The following CRP variants were observed in gnomAD, a reference collection of about 807,000 sequenced individuals.
CRP encodes the protein C-reactive protein, pentraxin-related.
CRP carries 6 observed loss-of-function variants against 3.0 expected under a neutral mutation model. That is an observed-to-expected ratio of 2.02 (90% CI 1.11 to 3.99). The LOEUF (loss-of-function observed/expected upper bound fraction) is 3.99. Ranked by LOEUF, CRP falls within the 30% of genes most tolerant of loss-of-function variation. The pLI, the probability that CRP is intolerant of heterozygous loss-of-function variation, is 0.00. For missense variants in CRP, 297 were observed against 271.0 expected, an observed-to-expected ratio of 1.10 and a Z score of -0.67; for synonymous variants, 130 against 111.0, an observed-to-expected ratio of 1.17 and a Z score of -1.08.
rs540472216 is a variant in CRP, at chr1:159,714,433, C to T, written c.53G>A (p.Gly18Asp). The T allele has an allele frequency of 3.0e-5, 49 of 1,613,356 alleles. 1 individual carries two copies. In the South Asian group the frequency reaches 5.4e-4, roughly 18 times the overall value. Residue 18 changes from glycine to aspartate, a missense_variant, in exon 1 of 2, where the codon GGC becomes GAC. Transcript: ENST00000255030. The stretch of plus-strand genomic sequence containing the variant: ...CCTGGGGTGGCCCTTACCTGTCTGG[C>T]CAAAAGCATGAGAGAGGCTGGTCAA... ...LVLTSLSHAF[G>D]QTDMSRKAFV...
In CRP at chr1:159,713,869, G is replaced by C; in HGVS notation, c.331C>G (p.Pro111Ala). The C allele has an allele frequency of 1.2e-6, 2 of 1,614,092 alleles. No homozygotes were observed. The highest frequency in any genetic ancestry group is 1.7e-6 in the Non-Finnish European group (2 of 1,180,024). Residue 111 changes from proline (P) to alanine (A), a missense_variant, in exon 2 of 2, where the codon CCA (proline) becomes GCA (alanine). Pro to Ala is a conservative substitution (Grantham distance 27). Coordinates refer to ENST00000255030, the MANE Select transcript of CRP (RefSeq NM_000567.3). ...TCCCAGCTTGTACAAATGTGTACTG[G>C]AGCTACTGTGACTTCAGGAACCTCG... The part of the protein sequence containing the change: ...LFEVPEVTVA[P>A]VHICTSWESA...
At chr1:159,714,181 T>C in intron 1 of CRP, 43 bp from the exon 2 acceptor site, 4 of 1,580,766 alleles carry the variant, frequency 2.5e-6, no homozygotes, top group South Asian at 1.2e-5. Context: ...GTTTCTCAGA[T>C]CACACAGATC....
rs780019486 is a variant in CRP at position 159,713,551 on chromosome 1, A to T, written c.649T>A (p.Phe217Ile). Residue 217 changes from phenylalanine to isoleucine, a missense_variant, in exon 2 of 2, where the codon TTC (phenylalanine) becomes ATC (isoleucine). By Grantham distance (21) the Phe-to-Ile change is conservative. Transcript: ENST00000255030. The stretch of plus-strand genomic sequence containing the variant: ...CAGGGCCACAGCTGGGGTTTGGTGA[A>T]CACTTCGCCTTGCACTTCATACTTC... ...ALKYEVQGEVFTKPQLWP is the reference protein window; with the variant it reads ...ALKYEVQGEVITKPQLWP 4 of 1,612,852 alleles carry T rather than the reference A, an allele frequency of 2.5e-6. No individual in the cohort carries two copies. In the South Asian group the frequency reaches 4.4e-5, roughly 18 times the overall value.
intron 1 of CRP, 94 bp downstream of exon 1, chr1:159,714,331 C>CTTTT: frequency 2.1e-6 from 2 of 930,640 alleles, no homozygotes; most frequent in African/African-American, 1.9e-5. Flanking sequence ...TTCATACAGT[C>CTTTT]TTTTTTTTTT....
intron 1 of CRP, 131 bp downstream of exon 1, chr1:159,714,289 ACACAC>A (rs1223427070): frequency 1.0e-6 from 1 of 979,584 alleles, no homozygotes; most frequent in African/African-American, 1.8e-5. Flanking sequence ...ACACACACAC[ACACAC>A]ACCATGAAGG....
rs1182044766 is a variant in CRP at position 159,713,657 on chromosome 1, G to A, written c.543C>T (p.Asp181=). 1 of 1,614,178 alleles carries A rather than the reference G, an allele frequency of 6.2e-7. No individual in the cohort carries two copies. Among genetic ancestry groups the A allele is most frequent in the South Asian group, 1.1e-5 (1 of 91,080 alleles). The change falls in exon 2 of 2, where the codon GAC becomes GAT. Residue 181 remains aspartate (D), a synonymous_variant. Coordinates refer to ENST00000255030, the MANE Select transcript of CRP (RefSeq NM_000567.3). ...TAATCTCATCTGGTGACAGCACAAA[G>A]TCCCACATGTTCACATTTCCAATGT... The part of the protein sequence containing the change: ...VGDIGNVNMW[D]FVLSPDEINT...
chr1:159,713,251 T>C lies in CRP; in HGVS notation c.*274A>G, dbSNP rs1444348406. On this transcript the variant is annotated 3_prime_UTR_variant, in exon 2 of 2. Transcript: ENST00000255030. ...AAATTATCTCCAAGATCTGTCCAAC[T>C]TGAAATAAAAATGAAAACAAAACAC... The C allele has an allele frequency of 1.2e-4, 47 of 381,466 alleles. No homozygotes were observed. Among genetic ancestry groups the C allele is most frequent in the Non-Finnish European group, 9.4e-6 (2 of 213,224 alleles). The allele number at this position is 381,466 out of a possible 1,614,324, so 23.6% of individuals were successfully genotyped here.
In CRP at chr1:159,714,011, C is replaced by T. The variant is rs749938616; in HGVS notation, c.189G>A (p.Ser63=). The change falls in exon 2 of 2, where the codon TCG becomes TCA. Residue 63 remains serine (S), a synonymous_variant. Transcript: ENST00000255030. ...ACGAGAAAATACTGTACCCACGGGT[C>T]GAGGACAGTTCCGTGTAGAAGTGGA... ...VCLHFYTELS[S]TRGYSIFSYA... is the part of the protein sequence containing the mutation. The T allele has an allele frequency of 1.9e-5, 30 of 1,613,416 alleles. No individual in the cohort carries two copies. The highest frequency in any genetic ancestry group is 1.6e-4 in the Middle Eastern group (1 of 6,062).
chr1:159,713,600 A>G lies in CRP; in HGVS notation c.600T>C (p.Pro200=). The stretch of plus-strand genomic sequence containing the variant: ...TCAGTGCCCGCCAGTTCAGGACATT[A>G]GGACTGAAGGGCCCGCCAAGATAGA... ...NTIYLGGPFS[P]NVLNWRALKY... is the part of the protein sequence containing the mutation. Residue 200 remains proline (P), a synonymous_variant, in exon 2 of 2, where the codon CCT becomes CCC. Coordinates refer to ENST00000255030, the MANE Select transcript of CRP (RefSeq NM_000567.3). 6.2e-7 allele frequency: 1 copy of G among 1,614,206 alleles called. No homozygotes were observed. The highest frequency in any genetic ancestry group is 8.5e-7 in the Non-Finnish European group (1 of 1,180,044).
chr1:159,713,657 G>T lies in CRP; in HGVS notation c.543C>A (p.Asp181Glu). 6.2e-7 allele frequency: 1 copy of T among 1,614,178 alleles called. No homozygotes were observed. Reference sequence around the variant, plus strand: ...TAATCTCATCTGGTGACAGCACAAAGTCCCACATGTTCACATTTCCAATGT... The same window carrying T: ...TAATCTCATCTGGTGACAGCACAAATTCCCACATGTTCACATTTCCAATGT... The part of the protein sequence containing the change: ...VGDIGNVNMW[D>E]FVLSPDEINT... Residue 181 changes from aspartate to glutamate, a missense_variant, in exon 2 of 2, where the codon GAC (aspartate) becomes GAA (glutamate). Coordinates refer to ENST00000255030, the MANE Select transcript of CRP (RefSeq NM_000567.3).
intron 1 of CRP, 74 bp from the exon 2 acceptor site, chr1:159,714,212 G>T: frequency 1.3e-6 from 2 of 1,534,266 alleles, no homozygotes; most frequent in Middle Eastern, 1.8e-4. Flanking sequence ...CTTACGTATA[G>T]AATTTAAGAT....
chr1:159,713,766 A>C lies in CRP; in HGVS notation c.434T>G (p.Val145Gly). Residue 145 changes from valine to glycine, a missense_variant, in exon 2 of 2, where the codon GTG becomes GGG. By Grantham distance (109) the Val-to-Gly change is moderately radical (BLOSUM62 -3). Coordinates refer to ENST00000255030, the MANE Select transcript of CRP (RefSeq NM_000567.3). The stretch of plus-strand genomic sequence containing the variant: ...CAAGATGATGCTTGCTTCTGCCCCC[A>C]CAGTGTATCCCTTCTTCAGACTCTT... ...VRKSLKKGYT[V>G]GAEASIILGQ... 1.9e-6 allele frequency: 3 copies of C among 1,614,014 alleles called. No homozygotes were observed. The highest frequency in any genetic ancestry group is 2.5e-6 in the Non-Finnish European group (3 of 1,179,984).
Position 159,714,561 on chromosome 1 carries a change from G to C in CRP, c.-76C>G. 6.6e-7 allele frequency: 1 copy of C among 1,515,008 alleles called. No individual in the cohort carries two copies. Among genetic ancestry groups the C allele is most frequent in the Non-Finnish European group, 9.1e-7 (1 of 1,097,986 alleles). 93.8% of individuals were successfully genotyped at this position (1,515,008 alleles called of 1,614,324 possible). On this transcript the variant is annotated 5_prime_UTR_variant, in exon 1 of 2. Transcript: ENST00000255030. ...AAAGATGTATTCGGCTGAAAGTTCA[G>C]GGGCTAGAAGTCCTAGATCTCTTGC...
Position 159,714,427 on chromosome 1 carries a change from G to C in CRP, c.59C>G (p.Thr20Arg). 3 of 1,611,266 alleles carry C rather than the reference G, an allele frequency of 1.9e-6. No individual in the cohort carries two copies. The highest frequency in any genetic ancestry group is 2.5e-6 in the Non-Finnish European group (3 of 1,179,634). ...LTSLSHAFGQ[T>R]DMSRKAFVFP... The stretch of plus-strand genomic sequence containing the variant: ...CCATAGCCTGGGGTGGCCCTTACCT[G>C]TCTGGCCAAAAGCATGAGAGAGGCT... The change falls in exon 1 of 2, where the codon ACA becomes AGA. Residue 20 changes from threonine to arginine, a missense_variant and splice_region_variant. Physicochemically the swap from Thr to Arg is moderately conservative, Grantham distance 71 (BLOSUM62 -1). Transcript: ENST00000255030.
At position 159,713,613 on chromosome 1, in the gene CRP, C is replaced by G; in HGVS notation, c.587G>C (p.Gly196Ala). 1 of 1,614,110 alleles carries G rather than the reference C, an allele frequency of 6.2e-7. No homozygotes were observed. The highest frequency in any genetic ancestry group is 8.5e-7 in the Non-Finnish European group (1 of 1,180,036). Reference protein sequence around the residue: ...PDEINTIYLGGPFSPNVLNWR... With the variant: ...PDEINTIYLGAPFSPNVLNWR... ...GTTCAGGACATTAGGACTGAAGGGC[C>G]CGCCAAGATAGATGGTGTTAATCTC... is the stretch of plus-strand genomic sequence containing the variant. Residue 196 changes from glycine to alanine, a missense_variant, in exon 2 of 2, where the codon GGG becomes GCG. Coordinates refer to ENST00000255030, the MANE Select transcript of CRP (RefSeq NM_000567.3).
In CRP at chr1:159,713,769, G is replaced by A. The variant is rs769102087; in HGVS notation, c.431C>T (p.Thr144Ile). 1 of 1,614,106 alleles carries A rather than the reference G, an allele frequency of 6.2e-7. No homozygotes were observed. The highest frequency in any genetic ancestry group is 8.5e-7 in the Non-Finnish European group (1 of 1,180,020). Reference sequence around the variant, plus strand: ...GATGATGCTTGCTTCTGCCCCCACAGTGTATCCCTTCTTCAGACTCTTCCT... The same window carrying A: ...GATGATGCTTGCTTCTGCCCCCACAATGTATCCCTTCTTCAGACTCTTCCT... ...RVRKSLKKGYTVGAEASIILG... is the reference protein window; with the variant it reads ...RVRKSLKKGYIVGAEASIILG... The change falls in exon 2 of 2, where the codon ACT becomes ATT. Residue 144 changes from threonine to isoleucine, a missense_variant. Physicochemically the swap from Thr to Ile is moderately conservative, Grantham distance 89. Transcript: ENST00000255030.
At position 159,713,823 on chromosome 1, in the gene CRP, T is replaced by C. The variant is rs756067092; in HGVS notation, c.377A>G (p.Glu126Gly). 1 of 1,614,156 alleles carries C rather than the reference T, an allele frequency of 6.2e-7. No homozygotes were observed. Among genetic ancestry groups the C allele is most frequent in the South Asian group, 1.1e-5 (1 of 91,078 alleles). ...CCTGGGCTTCCCATCTACCCAGAAC[T>C]CCACGATCCCTGAGGCGGACTCCCA... ...TSWESASGIVEFWVDGKPRVR... is the reference protein window; with the variant it reads ...TSWESASGIVGFWVDGKPRVR... Residue 126 changes from glutamate to glycine, a missense_variant, in exon 2 of 2, where the codon GAG (glutamate) becomes GGG (glycine). Transcript: ENST00000255030.
chr1:159,713,399 C>A lies in CRP; in HGVS notation c.*126G>T. 2 of 1,316,656 alleles carry A rather than the reference C, an allele frequency of 1.5e-6. No homozygotes were observed. Among genetic ancestry groups the A allele is most frequent in the Middle Eastern group, 2.7e-4 (1 of 3,660 alleles). 81.6% of individuals were successfully genotyped at this position (1,316,656 alleles called of 1,614,324 possible). On this transcript the variant is annotated 3_prime_UTR_variant, in exon 2 of 2. Coordinates refer to ENST00000255030, the MANE Select transcript of CRP (RefSeq NM_000567.3). ...CAGGCCTGCAATGCATATAGGGGAA[C>A]AAAGGCCCAGAGACAGAGACGTGGG...
At chr1:159,714,288 C>A in intron 1 of CRP, 137 bp downstream of exon 1, 1 of 1,088,724 alleles carries the variant, frequency 9.2e-7, no homozygotes, top group Non-Finnish European at 1.3e-6. Context: ...CACACACACA[C>A]ACACACACCA....
Sources: gnomAD v4.1 joint callset for allele counts on GRCh38, gnomAD v4.1.1 for gene constraint, MANE v1.5 for transcripts, NCBI Gene and HGNC (gene_info 2026-07-23, HGNC 2026-07-21) for gene names.